The following AGMO variants were observed in gnomAD, a reference collection of about 807,000 sequenced individuals.
AGMO encodes the protein alkylglycerol monooxygenase, also known as glyceryl-ether monooxygenase.
AGMO carries 75 observed loss-of-function variants against 60.2 expected under a neutral mutation model. That is an observed-to-expected ratio of 1.25 (90% CI 1.03 to 1.51). The LOEUF is 1.51. AGMO is among the 40% of genes most tolerant of loss of function. AGMO has a pLI of 0.00. For synonymous variants in AGMO, 261 were observed against 177.1 expected, an observed-to-expected ratio of 1.47 and a Z score of -3.76; for missense variants, 763 against 525.5, an observed-to-expected ratio of 1.45 and a Z score of -4.42.
chr7:15,240,498 G>A (rs1427019750), intron 12 of AGMO, among the ~76,000 whole-genome samples: 2 of 152,068 alleles, frequency 1.3e-5, no homozygotes, highest in Non-Finnish European at 2.9e-5. Context: ...CACGTAGGCT[G>A]CCAGTTTCAC....
the AGMO span, among the ~76,000 whole-genome samples, chr7:15,136,504 TA>T: frequency 6.8e-6 from 1 of 146,234 alleles, no homozygotes; most frequent in South Asian, 2.2e-4. Context: ...ATTTTTTTTT[TA>T]AAAGGAGCAT....
At chr7:15,287,258 G>A (rs924920996) in intron 12 of AGMO, among the ~76,000 whole-genome samples, 4 of 151,966 alleles carry the variant, frequency 2.6e-5, no homozygotes, top group Non-Finnish European at 5.9e-5. Flanking sequence ...ATGAAACCAT[G>A]GGCAAAAATT....
At chr7:15,541,087 T>C (rs1269455554) in intron 3 of AGMO, among the ~76,000 whole-genome samples, 1 of 152,154 alleles carries the variant, frequency 6.6e-6, no homozygotes, top group Non-Finnish European at 1.5e-5. Context: ...AGAAAAATAA[T>C]ATGCCAGTTG....
At chr7:15,341,127 C>T (rs1781833834) in intron 12 of AGMO, among the ~76,000 whole-genome samples, 1 of 152,112 alleles carries the variant, frequency 6.6e-6, no homozygotes, top group East Asian at 1.9e-4. Flanking sequence ...GAGACATTTT[C>T]CCCTTGTCTT....
At chr7:15,454,684 T>C (rs1481585272) in intron 3 of AGMO, among the ~76,000 whole-genome samples, 2 of 152,098 alleles carry the variant, frequency 1.3e-5, no homozygotes, top group African/African-American at 4.8e-5. Context: ...TCCATAATGT[T>C]CTCTTTTTAG....
chr7:15,360,166 C>G (rs143122424), intron 12 of AGMO, among the ~76,000 whole-genome samples: 12 of 152,240 alleles, frequency 7.9e-5, no homozygotes, highest in African/African-American at 2.9e-4. Flanking sequence ...TTTTATTATT[C>G]TCATTATGCA....
rs144639929 is a variant in AGMO at position 15,236,044 on chromosome 7, G to T, written c.1264-34685C>A. 8.9e-3 allele frequency among the ~76,000 whole-genome samples: 1,356 copies of T among 152,084 alleles called. 8 individuals carry two copies. Among genetic ancestry groups the T allele is most frequent in the Non-Finnish European group, 0.015 (1,004 of 67,930 alleles). On this transcript the variant is annotated intron_variant, in intron 12 of 12. Transcript: ENST00000342526. ...TAAAATACACTTCAAATGCTATAAAGAAATATTAAATAAAGGAAAATGATA... is the reference window on the plus strand; with the variant it reads ...TAAAATACACTTCAAATGCTATAAATAAATATTAAATAAAGGAAAATGATA...
At chr7:15,381,902 T>C (rs1238934284) in intron 10 of AGMO, among the ~76,000 whole-genome samples, 1 of 152,144 alleles carries the variant, frequency 6.6e-6, no homozygotes, top group African/African-American at 2.4e-5. Context: ...GCCATTATCC[T>C]TAGCAAACTA....
chr7:15,365,408 C>T, intron 12 of AGMO, 106 bp downstream of exon 12: 2 of 254,360 alleles, frequency 7.9e-6, no homozygotes, highest in South Asian at 6.1e-5. Context: ...TCAAGATTTC[C>T]CACATGTACT....
intron 2 of AGMO, among the ~76,000 whole-genome samples, chr7:15,552,489 C>A (rs1412070861): frequency 6.7e-6 from 1 of 150,208 alleles, no homozygotes; most frequent in Non-Finnish European, 1.5e-5. Context: ...AAACAAACAA[C>A]CCCATCAAAA....
At chr7:15,539,847 G>A (rs1166126616) in intron 3 of AGMO, among the ~76,000 whole-genome samples, 1 of 152,004 alleles carries the variant, frequency 6.6e-6, no homozygotes, top group Non-Finnish European at 1.5e-5. Flanking sequence ...GTGTAAGAAG[G>A]TATCTTACTG....
chr7:15,454,636 A>T (rs535933082), intron 3 of AGMO, among the ~76,000 whole-genome samples: 1 of 152,236 alleles, frequency 6.6e-6, no homozygotes, highest in South Asian at 2.1e-4. Flanking sequence ...GGAATATATA[A>T]TAAAAATTTT....
intron 12 of AGMO, among the ~76,000 whole-genome samples, chr7:15,210,834 C>G (rs1306968173): frequency 1.3e-5 from 2 of 151,684 alleles, no homozygotes; most frequent in African/African-American, 4.8e-5. Flanking sequence ...TAAATTAGAC[C>G]CTTTCAAATA....
intron 12 of AGMO, among the ~76,000 whole-genome samples, chr7:15,275,649 TC>T (rs35895060): frequency 6.6e-6 from 1 of 152,170 alleles, no homozygotes; most frequent in African/African-American, 2.4e-5. Flanking sequence ...GGTGTTAAGG[TC>T]CCCACTGCTA....
chr7:15,140,011 G>A, the AGMO span, among the ~76,000 whole-genome samples: 5 of 150,158 alleles, frequency 3.3e-5, no homozygotes, highest in African/African-American at 1.2e-4. Context: ...AGTAAAACTG[G>A]ACAAAAAGAG....
intron 3 of AGMO, among the ~76,000 whole-genome samples, chr7:15,537,104 T>C (rs1226514886): frequency 6.6e-6 from 1 of 152,096 alleles, no homozygotes; most frequent in Non-Finnish European, 1.5e-5. Context: ...ACTTAAGTGT[T>C]TTCCCTCCTG....
intron 12 of AGMO, among the ~76,000 whole-genome samples, chr7:15,340,397 C>T (rs142151856): frequency 1.2e-4 from 19 of 152,272 alleles, no homozygotes; most frequent in East Asian, 9.7e-4. Flanking sequence ...GACTTCAGGT[C>T]GGCTCTTTAG....
At chr7:15,329,237 T>C (rs1781431448) in intron 12 of AGMO, among the ~76,000 whole-genome samples, 2 of 152,344 alleles carry the variant, frequency 1.3e-5, no homozygotes, top group South Asian at 4.1e-4. Context: ...ACTTTAATTG[T>C]TTCGGTATAC....
chr7:15,458,805 A>C (rs1782060715), intron 3 of AGMO, among the ~76,000 whole-genome samples: 1 of 152,184 alleles, frequency 6.6e-6, no homozygotes. Context: ...TTGCAGGGCC[A>C]AGTCAGGAAC....
Sources: allele counts gnomAD v4.1 joint callset (sites outside exome capture counted in the v4.1 genomes callset), GRCh38; gene constraint gnomAD v4.1.1; transcripts MANE v1.5; gene names NCBI Gene and HGNC (gene_info 2026-07-23, HGNC 2026-07-21).